COMMD6: variants seen among roughly 807,000 people sequenced by gnomAD.
The protein encoded by COMMD6 is COMM domain containing 6, also known as COMM domain-containing protein 6.
In COMMD6, 11 loss-of-function variants were observed where a neutral mutation model predicts 13.4. The ratio of observed to expected loss-of-function variants is 0.82; its 90% CI spans 0.52 to 1.36. The LOEUF (loss-of-function observed/expected upper bound fraction) is 1.36. COMMD6 is among the 40% of genes most tolerant of loss of function. COMMD6 has a pLI of 0.00. For missense variants in COMMD6, 124 were observed against 102.4 expected (o/e 1.21, Z -0.91); for synonymous variants, 43 against 36.5 (o/e 1.18, Z -0.64).
Position 75,530,144 on chromosome 13 carries a change from C to T in COMMD6, c.177G>A (p.Lys59=). Residue 59 remains lysine (K), a synonymous_variant, in exon 3 of 4, where the codon AAG becomes AAA. Transcript: ENST00000682242. ...ACTGTGGAATCGTCATTTCAAAGCA[C>T]TTGGTCTTTACTTGGCCTGAATGAT... ...VADHSGQVKT[K]CFEMTIPQFQ... 6.2e-7 allele frequency: 1 copy of T among 1,613,520 alleles called. No homozygotes were observed. The highest frequency in any genetic ancestry group is 8.5e-7 in the Non-Finnish European group (1 of 1,179,710).
At chr13:75,544,193 T>C (rs1449892336) in intron 1 of COMMD6, among the ~76,000 whole-genome samples, 1 of 152,222 alleles carries the variant, frequency 6.6e-6, no homozygotes, top group Non-Finnish European at 1.5e-5. Context: ...TCACTAATCC[T>C]ATAATCATGG....
At chr13:75,549,388 A>T (rs2030984993) in exon 1 of COMMD6, 1 of 181,278 alleles carries the variant, frequency 5.5e-6, no homozygotes, top group East Asian at 1.4e-4. Flanking sequence ...TCTGTCTCAG[A>T]ATAGGACTCC....
intron 2 of COMMD6, among the ~76,000 whole-genome samples, chr13:75,534,386 T>A (rs1044502214): frequency 6.6e-6 from 1 of 152,164 alleles, no homozygotes; most frequent in Non-Finnish European, 1.5e-5. Flanking sequence ...GTCTTCACAA[T>A]TGAAAGAAAG....
chr13:75,541,800 C>T (rs1369925025), upstream of COMMD6, among the ~76,000 whole-genome samples: 1 of 152,070 alleles, frequency 6.6e-6, no homozygotes, highest in Non-Finnish European at 1.5e-5. Context: ...CCTGTGTAGT[C>T]AATGGATATG....
In COMMD6 at chr13:75,526,534, A is replaced by C; in HGVS notation, c.*55T>G. On this transcript the variant is annotated 3_prime_UTR_variant, in exon 4 of 4. Transcript: ENST00000682242. ...CATCCTTATTTAGTTTTGTTGCCGA[A>C]AGTGAAGTCCATGACTTTAGAATGA... The C allele has an allele frequency of 4.9e-6, 6 of 1,215,978 alleles. No homozygotes were observed. The highest frequency in any genetic ancestry group is 7.0e-6 in the Non-Finnish European group (6 of 861,154). The allele number at this position is 1,215,978 out of a possible 1,614,324, so 75.3% of individuals were successfully genotyped here. A position where few individuals can be genotyped will look rare whatever the true frequency, so the allele number is the denominator to read the frequency against.
Position 75,525,802 on chromosome 13 carries a change from T to G in COMMD6, c.*787A>C, listed in dbSNP as rs2030225862. On this transcript the variant is annotated 3_prime_UTR_variant, in exon 4 of 4. Coordinates refer to ENST00000682242, the MANE Select transcript of COMMD6 (RefSeq NM_203495.4). ...TCTTGATCTATTTCTAGGCCATCTA[T>G]TCTATTCCGGTGGTCTATTTGCTTA... 6.6e-6 allele frequency: 1 copy of G among 152,260 alleles called. No homozygotes were observed. The highest frequency in any genetic ancestry group is 6.5e-5 in the Admixed American group (1 of 15,288). 9.4% of individuals were successfully genotyped at this position (152,260 alleles called of 1,614,324 possible).
chr13:75,540,344 CCACACA>C (rs59520333), upstream of COMMD6, among the ~76,000 whole-genome samples: 341 of 147,376 alleles, frequency 2.3e-3, 1 homozygote, highest in Non-Finnish European at 3.5e-3. Flanking sequence ...ACACACACAC[CCACACA>C]CACACACACA....
At chr13:75,537,923 G>A, upstream of COMMD6, 2 of 1,019,032 alleles carry the variant, frequency 2.0e-6, no homozygotes, top group South Asian at 3.3e-5. Flanking sequence ...AGGGGAAGCT[G>A]AAAAAAGCAT....
upstream of COMMD6, among the ~76,000 whole-genome samples, chr13:75,540,202 C>G (rs972775083): frequency 1.3e-5 from 2 of 151,896 alleles, no homozygotes; most frequent in Non-Finnish European, 2.9e-5. Context: ...AACTCCTGAG[C>G]TCAGGCAATC....
upstream of COMMD6, among the ~76,000 whole-genome samples, chr13:75,539,442 A>G (rs2030787179): frequency 6.6e-6 from 1 of 152,004 alleles, no homozygotes; most frequent in African/African-American, 2.4e-5. Flanking sequence ...GTCTCTCCAT[A>G]TTGGGCAGGT....
chr13:75,532,938 T>G (rs555437787), intron 2 of COMMD6, among the ~76,000 whole-genome samples: 84 of 151,366 alleles, frequency 5.5e-4, no homozygotes, highest in Admixed American at 1.2e-3. Flanking sequence ...GTTTTGTTTT[T>G]TTTTTTTTTT....
At chr13:75,529,520 C>CAAAAAAA (rs58073558) in intron 3 of COMMD6, among the ~76,000 whole-genome samples, 3 of 104,642 alleles carry the variant, frequency 2.9e-5, no homozygotes, top group African/African-American at 1.1e-4. Flanking sequence ...GACTCCGTCT[C>CAAAAAAA]AAAAAAAAAA....
chr13:75,547,147 A>T (rs994285105), intron 1 of COMMD6, among the ~76,000 whole-genome samples: 4 of 152,192 alleles, frequency 2.6e-5, no homozygotes, highest in Non-Finnish European at 4.4e-5. Flanking sequence ...ACTAAATAGC[A>T]GTTGAGCACG....
chr13:75,538,518 C>T (rs1381301823), upstream of COMMD6, among the ~76,000 whole-genome samples: 2 of 152,174 alleles, frequency 1.3e-5, no homozygotes, highest in Non-Finnish European at 2.9e-5. Context: ...TCTAGATTCA[C>T]CAACTGTTCG....
Position 75,531,550 on chromosome 13 carries a change from AG to A in COMMD6, c.55-1285del, listed in dbSNP as rs1157140828. Among the ~76,000 whole-genome samples the A allele has an allele frequency of 3.3e-5, 5 of 152,354 alleles. No homozygotes were observed. The East Asian group carries it at 9.6e-4, about 29-fold the overall frequency. ...ATTGAATAAATTCATTTTAAAGAAA[AG>A]TTCTCCATATAAAAATAGAAAGGCA... On this transcript the variant is annotated intron_variant, in intron 2 of 3. Transcript: ENST00000682242.
intron 2 of COMMD6, among the ~76,000 whole-genome samples, chr13:75,531,596 A>ATTTC (rs2030482138): frequency 6.6e-6 from 1 of 152,236 alleles, no homozygotes; most frequent in Non-Finnish European, 1.5e-5. Flanking sequence ...ATAACTACAA[A>ATTTC]TTTCTAATAA....
At position 75,529,390 on chromosome 13, in the gene COMMD6, G is replaced by C. The variant is rs188248372; in HGVS notation, c.207+724C>G. ...AAATAAATTAGCCAGGCATGGTGGT[G>C]GGCGCCTGTAGTCCCAGCTACTCGG... On this transcript the variant is annotated intron_variant, in intron 3 of 3. Coordinates refer to ENST00000682242, the MANE Select transcript of COMMD6 (RefSeq NM_203495.4). Among the ~76,000 whole-genome samples, 785 of 152,060 alleles carry C rather than the reference G, an allele frequency of 5.2e-3. 10 individuals are homozygous for C. Among genetic ancestry groups the C allele is most frequent in the African/African-American group, 0.018 (756 of 41,474 alleles).
At position 75,537,752 on chromosome 13, in the gene COMMD6, G is replaced by A. The variant is rs762049323; in HGVS notation, c.42+12C>T. On this transcript the variant is annotated intron_variant, in intron 1 of 3. Transcript: ENST00000682242. ...GCCTCGCTGCCCACTCTCCTTCCAG[G>A]TTGGAACTCACATCGGACTTAGCAT... The A allele has an allele frequency of 1.2e-6, 2 of 1,613,696 alleles. No homozygotes were observed. Among genetic ancestry groups the A allele is most frequent in the African/African-American group, 2.7e-5 (2 of 74,930 alleles).
intron 3 of COMMD6, among the ~76,000 whole-genome samples, chr13:75,529,284 G>T (rs1036317303): frequency 6.6e-6 from 1 of 152,118 alleles, no homozygotes; most frequent in Non-Finnish European, 1.5e-5. Context: ...ACTTTGGGAG[G>T]CCAAGGTGGG....
Sources: gnomAD v4.1 joint callset for allele counts (sites outside exome capture counted in the v4.1 genomes callset) on GRCh38, gnomAD v4.1.1 for gene constraint, MANE v1.5 for transcripts, NCBI Gene and HGNC (gene_info 2026-07-23, HGNC 2026-07-21) for gene names.